CAPN13: variants seen among roughly 807,000 people sequenced by gnomAD.
CAPN13 encodes calpain-13.
A neutral mutation model predicts 98.4 loss-of-function variants in CAPN13; 90 were observed. That is an observed-to-expected ratio of 0.92 (90% CI 0.77 to 1.09). CAPN13 has a LOEUF of 1.09. CAPN13 is among the 50% of genes least tolerant of loss of function. The pLI, the probability that CAPN13 is intolerant of heterozygous loss-of-function variation, is 0.00. For synonymous variants in CAPN13, 330 were observed against 305.5 expected, an observed-to-expected ratio of 1.08 and a Z score of -0.84; for missense variants, 887 against 841.3, an observed-to-expected ratio of 1.05 and a Z score of -0.67.
Position 30,745,752 on chromosome 2 carries a change from A to G in CAPN13, c.1237-18T>C. On this transcript the variant is annotated intron_variant, in intron 11 of 22. Transcript: ENST00000295055. ...GAGCCAGCCTGTTGGAAACAGGGAG[A>G]AAGGCAGATTTAGGAACTCAGACGT... 2 of 1,594,306 alleles carry G rather than the reference A, an allele frequency of 1.3e-6. No homozygotes were observed. The highest frequency in any genetic ancestry group is 1.7e-6 in the Non-Finnish European group (2 of 1,177,862).
At chr2:30,758,789 T>TTCCTTCCTCCCTCCCTTCCCTC (rs1572829401) in intron 7 of CAPN13, among the ~76,000 whole-genome samples, 2 of 109,134 alleles carry the variant, frequency 1.8e-5, no homozygotes, top group African/African-American at 3.4e-5. Flanking sequence ...TCCCTCCCTT[T>TTCCTTCCTCCCTCCCTTCCCTC]CCTTTCCTTC....
chr2:30,745,894 A>ATTTTTTTTT (rs57880021), intron 11 of CAPN13, among the ~76,000 whole-genome samples, 160 bp from the exon 12 acceptor site: 16 of 92,766 alleles, frequency 1.7e-4, no homozygotes, highest in Admixed American at 4.4e-4. Context: ...GCCATAAAGC[A>ATTTTTTTTT]TTTTTTTTTT....
chr2:30,784,429 T>G (rs1316361953), intron 2 of CAPN13, among the ~76,000 whole-genome samples: 1 of 152,220 alleles, frequency 6.6e-6, no homozygotes, highest in Non-Finnish European at 1.5e-5. Context: ...GTGTTTAGAC[T>G]GTGCTAGACA....
intron 2 of CAPN13, among the ~76,000 whole-genome samples, chr2:30,778,239 C>G (rs1673802069): frequency 6.6e-6 from 1 of 152,204 alleles, no homozygotes; most frequent in African/African-American, 2.4e-5. Context: ...GTGCCCGGTC[C>G]TTCCTTAACT....
chr2:30,725,160 T>A (rs1355478524), intron 22 of CAPN13, among the ~76,000 whole-genome samples: 1 of 152,164 alleles, frequency 6.6e-6, no homozygotes, highest in Non-Finnish European at 1.5e-5. Flanking sequence ...GACTCTGAAA[T>A]CAATTAAAAT....
Position 30,753,226 on chromosome 2 carries a change from G to A in CAPN13, c.942-28C>T, listed in dbSNP as rs368809881. The A allele has an allele frequency of 1.6e-4, 262 of 1,612,066 alleles. No individual in the cohort carries two copies. The African/African-American group carries it at 3.0e-3, about 18-fold the overall frequency. On this transcript the variant is annotated intron_variant, in intron 9 of 22. Coordinates refer to ENST00000295055, the MANE Select transcript of CAPN13 (RefSeq NM_144575.3). ...GTTAAAAACAGATATACATCACTCA[G>A]TGACCAGGGGTTGTGTCCCCAGGGT...
chr2:30,773,051 C>G (rs1481397047), intron 4 of CAPN13, among the ~76,000 whole-genome samples: 1 of 152,182 alleles, frequency 6.6e-6, no homozygotes, highest in Non-Finnish European at 1.5e-5. Flanking sequence ...GCTTCGATCT[C>G]CTGACCTCGT....
chr2:30,746,651 G>T, intron 11 of CAPN13: 1 of 213,372 alleles, frequency 4.7e-6, no homozygotes, highest in South Asian at 7.3e-5. Flanking sequence ...TAGTTTTATG[G>T]AATGGATCAA....
rs1672542258 is a variant in CAPN13 at position 30,757,975 on chromosome 2, C to G, written c.866+71G>C. 18 of 1,209,674 alleles carry G rather than the reference C, an allele frequency of 1.5e-5. No homozygotes were observed. In the East Asian group the frequency reaches 3.1e-4, roughly 21 times the overall value. 74.9% of individuals were successfully genotyped at this position (1,209,674 alleles called of 1,614,324 possible). A position where few individuals can be genotyped will look rare whatever the true frequency, so the allele number is the denominator to read the frequency against. On this transcript the variant is annotated intron_variant, in intron 8 of 22. Transcript: ENST00000295055. ...GCGCAGTGGCTAGATAGCCCCTGCT[C>G]TCATGGGCAGGAGGCTCTACCGACA...
chr2:30,758,966 T>C (rs536504487), intron 7 of CAPN13, among the ~76,000 whole-genome samples: 8 of 86,958 alleles, frequency 9.2e-5, no homozygotes, highest in African/African-American at 4.0e-4. Flanking sequence ...TCCTTCCTTC[T>C]GTTTCTTTCC....
intron 22 of CAPN13, chr2:30,729,776 A>T (rs553223530): frequency 3.3e-5 from 5 of 152,336 alleles, no homozygotes; most frequent in African/African-American, 1.2e-4. Flanking sequence ...GAGATTAAAT[A>T]CTGTTTACCA....
chr2:30,798,496 C>T (rs1308907834), intron 1 of CAPN13, among the ~76,000 whole-genome samples: 1 of 152,200 alleles, frequency 6.6e-6, no homozygotes, highest in Non-Finnish European at 1.5e-5. Context: ...CTCCCTGCCC[C>T]AGTGACAGGT....
At position 30,743,329 on chromosome 2, in the gene CAPN13, G is replaced by A. The variant is rs941498800; in HGVS notation, c.1445+54C>T. 5 of 1,485,392 alleles carry A rather than the reference G, an allele frequency of 3.4e-6. No homozygotes were observed. The African/African-American group carries it at 5.5e-5, about 16-fold the overall frequency. The allele number at this position is 1,485,392 out of a possible 1,614,324, so 92.0% of individuals were successfully genotyped here. Reference sequence around the variant, plus strand: ...AGAACTGCCCATAATTACACAATGTGTTTTTATAAAGTTAAGTAGAATAAA... The same window carrying A: ...AGAACTGCCCATAATTACACAATGTATTTTTATAAAGTTAAGTAGAATAAA... On this transcript the variant is annotated intron_variant, in intron 13 of 22. Transcript: ENST00000295055.
At chr2:30,733,276 G>C (rs918470694) in intron 19 of CAPN13, among the ~76,000 whole-genome samples, 1 of 152,164 alleles carries the variant, frequency 6.6e-6, no homozygotes, top group South Asian at 2.1e-4. Context: ...GACACAGGAG[G>C]TTTCTCTAGC....
In CAPN13 at chr2:30,791,596, T is replaced by A. The variant is rs114230232; in HGVS notation, c.-32-4239A>T. Among the ~76,000 whole-genome samples, 989 of 152,350 alleles carry A rather than the reference T, an allele frequency of 6.5e-3. 17 individuals carry two copies. Among genetic ancestry groups the A allele is most frequent in the African/African-American group, 0.023 (952 of 41,584 alleles). On this transcript the variant is annotated intron_variant, in intron 1 of 22. Transcript: ENST00000295055. ...TAAAGAAACTTAAGTTTGCTCCCAG[T>A]GTTTCACACATATAACCAGTAAGTC...
intron 2 of CAPN13, among the ~76,000 whole-genome samples, chr2:30,786,372 G>A (rs902869887): frequency 6.6e-6 from 1 of 152,192 alleles, no homozygotes; most frequent in African/African-American, 2.4e-5. Context: ...TTATCCGGGT[G>A]CTTTGCATCA....
intron 8 of CAPN13, among the ~76,000 whole-genome samples, chr2:30,754,981 T>C (rs144402739): frequency 2.0e-4 from 30 of 152,262 alleles, no homozygotes; most frequent in African/African-American, 7.2e-4. Flanking sequence ...TTCCATATTA[T>C]TCTTAAGGTG....
At chr2:30,771,287 C>G (rs938900448) in intron 4 of CAPN13, among the ~76,000 whole-genome samples, 1 of 152,224 alleles carries the variant, frequency 6.6e-6, no homozygotes, top group Non-Finnish European at 1.5e-5. Flanking sequence ...CAGCCCTGAG[C>G]TTTGGCAAAG....
chr2:30,783,862 C>A (rs566739511), intron 2 of CAPN13, among the ~76,000 whole-genome samples: 1 of 152,254 alleles, frequency 6.6e-6, no homozygotes, highest in South Asian at 2.1e-4. Flanking sequence ...GCTTGGCAGT[C>A]AACTTTCTAA....
Sources: gnomAD v4.1 joint callset for allele counts (sites outside exome capture counted in the v4.1 genomes callset) on GRCh38, gnomAD v4.1.1 for gene constraint, MANE v1.5 for transcripts, NCBI Gene and HGNC (gene_info 2026-07-23, HGNC 2026-07-21) for gene names.